CLSPN: variants seen among roughly 807,000 people sequenced by gnomAD.
CLSPN encodes claspin homolog.
A neutral mutation model predicts 156.3 loss-of-function variants in CLSPN; 85 were observed. That is an observed-to-expected ratio of 0.54 (90% confidence interval 0.46 to 0.65). CLSPN has a LOEUF of 0.65. CLSPN is among the 30% of genes least tolerant of loss of function. CLSPN has a pLI of 0.00. For missense variants in CLSPN, 1,407 were observed against 1,554.9 expected, an observed-to-expected ratio of 0.90 and a Z score of 1.60; for synonymous variants, 534 against 542.4, an observed-to-expected ratio of 0.98 and a Z score of 0.22.
intron 4 of CLSPN, among the ~76,000 whole-genome samples, chr1:35,762,846 C>T (rs1642529281): frequency 6.6e-6 from 1 of 152,196 alleles, no homozygotes; most frequent in African/African-American, 2.4e-5. Flanking sequence ...GTTCATTTCT[C>T]AAAGGCTATA....
chr1:35,749,681 G>A lies in CLSPN; in HGVS notation c.2159C>T (p.Ser720Leu), dbSNP rs374433632. 16 of 1,613,980 alleles carry A rather than the reference G, an allele frequency of 9.9e-6. No individual in the cohort carries two copies. Among genetic ancestry groups the A allele is most frequent in the African/African-American group, 5.3e-5 (4 of 74,924 alleles). Residue 720 changes from serine (S) to leucine (L), a missense_variant, in exon 11 of 25, where the codon TCA becomes TTA. Transcript: ENST00000318121. ...AAACAGAAGTAAAGTAGAATCTGAT[G>A]AGAGAGACTTGGGAACAGAGAGGAA... Reference protein sequence around the residue: ...VGFLSVPKSLSSDSTLLLFKD... With the variant: ...VGFLSVPKSLLSDSTLLLFKD...
At chr1:35,750,027 C>T (rs921677472) in intron 10 of CLSPN, among the ~76,000 whole-genome samples, 18 of 151,886 alleles carry the variant, frequency 1.2e-4, no homozygotes, top group African/African-American at 4.1e-4. Context: ...TCTACCCTCC[C>T]GAAATTGCTA....
chr1:35,726,090 T>C (rs1641180007), intron 24 of CLSPN, among the ~76,000 whole-genome samples: 1 of 130,784 alleles, frequency 7.6e-6, no homozygotes. Context: ...CCAAACTCAA[T>C]CTCACTCTCT....
At chr1:35,769,144 T>G (rs1642773602) in intron 1 of CLSPN, among the ~76,000 whole-genome samples, 1 of 152,202 alleles carries the variant, frequency 6.6e-6, no homozygotes. Context: ...ATTTTGGTTT[T>G]TTAAAAATAT....
chr1:35,739,224 T>C lies in CLSPN; in HGVS notation c.3342A>G (p.Leu1114=), dbSNP rs375846467. 1.0e-4 allele frequency: 163 copies of C among 1,614,240 alleles called. 2 individuals carry two copies. The South Asian group carries it at 1.0e-3, about 10-fold the overall frequency. The stretch of plus-strand genomic sequence containing the variant: ...CAAGGTACCTCTCTTGGTATAAACG[T>C]AGCTGTCGCTTATCATCATCCAACA... ...KTMLDDDKRQ[L]RLYQERYLAD... Residue 1114 remains leucine, a synonymous_variant, in exon 20 of 25, where the codon CTA becomes CTG. Coordinates refer to ENST00000318121, the MANE Select transcript of CLSPN (RefSeq NM_022111.4).
intron 11 of CLSPN, 40 bp downstream of exon 11, chr1:35,749,593 T>C: frequency 1.2e-6 from 2 of 1,613,580 alleles, no homozygotes; most frequent in Non-Finnish European, 1.7e-6. Flanking sequence ...GAGGGGCAAA[T>C]CCAAGGCAAT....
chr1:35,749,900 G>A, intron 10 of CLSPN, 89 bp from the exon 11 acceptor site: 1 of 1,392,038 alleles, frequency 7.2e-7, no homozygotes, highest in South Asian at 1.5e-5. Flanking sequence ...TGGCTGATTG[G>A]TTACAGATCA....
At chr1:35,727,884 C>T (rs902748467), downstream of CLSPN, among the ~76,000 whole-genome samples, 5 of 152,076 alleles carry the variant, frequency 3.3e-5, no homozygotes, top group Non-Finnish European at 4.4e-5. Context: ...CTATTGCTGC[C>T]GCCAAAGATT....
rs1176968701 is a variant in CLSPN at position 35,732,447 on chromosome 1, A to G, written c.*4049T>C. On this transcript the variant is annotated 3_prime_UTR_variant, in exon 25 of 25. Coordinates refer to ENST00000318121, the MANE Select transcript of CLSPN (RefSeq NM_022111.4). Reference sequence around the variant, plus strand: ...CAGTTGAGAAAATGAGGGATGCCACAGAGATCTGAGTACCTTGTCTCTAGA... The same window carrying G: ...CAGTTGAGAAAATGAGGGATGCCACGGAGATCTGAGTACCTTGTCTCTAGA... The G allele has an allele frequency of 1.0e-6, 1 of 985,330 alleles. No homozygotes were observed. Among genetic ancestry groups the G allele is most frequent in the Admixed American group, 6.1e-5 (1 of 16,270 alleles). 61.0% of individuals were successfully genotyped at this position (985,330 alleles called of 1,614,324 possible). A position where few individuals can be genotyped will look rare whatever the true frequency, so the allele number is the denominator to read the frequency against.
At chr1:35,725,672 C>G (rs988492704) in intron 24 of CLSPN, among the ~76,000 whole-genome samples, 2 of 152,148 alleles carry the variant, frequency 1.3e-5, no homozygotes, top group African/African-American at 4.8e-5. Flanking sequence ...AAAGGGCCAG[C>G]CTGAATGGGC....
rs1642588091 is a variant in CLSPN at position 35,764,234 on chromosome 1, C to G, written c.582+32G>C. On this transcript the variant is annotated intron_variant, in intron 3 of 24. Coordinates refer to ENST00000318121, the MANE Select transcript of CLSPN (RefSeq NM_022111.4). ...ACCTTTTCTAAAATGTTAACCTACC[C>G]AAGCAATAGCAAATTATTCTTTAAA... is the stretch of plus-strand genomic sequence containing the variant. The G allele has an allele frequency of 2.2e-6, 3 of 1,394,838 alleles. No homozygotes were observed. In the Admixed American group the frequency reaches 7.4e-5, roughly 34 times the overall value. 86.4% of individuals were successfully genotyped at this position (1,394,838 alleles called of 1,614,324 possible). A position where few individuals can be genotyped will look rare whatever the true frequency, so the allele number is the denominator to read the frequency against.
chr1:35,757,364 G>A (rs1360426545), intron 8 of CLSPN, among the ~76,000 whole-genome samples: 1 of 152,202 alleles, frequency 6.6e-6, no homozygotes, highest in Non-Finnish European at 1.5e-5. Flanking sequence ...ATGAATGAAT[G>A]TTGATTCTAA....
downstream of CLSPN, among the ~76,000 whole-genome samples, chr1:35,729,731 C>A (rs903053290): frequency 6.6e-6 from 1 of 152,214 alleles, no homozygotes; most frequent in Non-Finnish European, 1.5e-5. Flanking sequence ...GACTATGGAG[C>A]TTTGTTGGGG....
downstream of CLSPN, among the ~76,000 whole-genome samples, chr1:35,727,504 G>A (rs555286420): frequency 5.5e-4 from 83 of 152,288 alleles, no homozygotes; most frequent in African/African-American, 1.9e-3. Flanking sequence ...TCATGGAAGG[G>A]TCCACCCTCC....
intron 12 of CLSPN, 46 bp from the exon 13 acceptor site, chr1:35,748,650 G>A (rs777280612): frequency 2.6e-6 from 4 of 1,524,974 alleles, no homozygotes; most frequent in Admixed American, 1.7e-5. Flanking sequence ...ACAGAAATAA[G>A]GTGGATTTGT....
In CLSPN at chr1:35,765,255, C is replaced by T. The variant is rs1449311274; in HGVS notation, c.96G>A (p.Gln32=). 1.2e-6 allele frequency: 2 copies of T among 1,613,800 alleles called. No individual in the cohort carries two copies. Among genetic ancestry groups the T allele is most frequent in the African/African-American group, 2.7e-5 (2 of 75,056 alleles). ...EEADSPSDSG[Q]GSYETIGPLS... Reference sequence around the variant, plus strand: ...AGGGTCCAATTGTTTCATAGCTGCCCTGTCCACTATCTGAAGGACTATCTG... The same window carrying T: ...AGGGTCCAATTGTTTCATAGCTGCCTTGTCCACTATCTGAAGGACTATCTG... The change falls in exon 2 of 25, where the codon CAG becomes CAA. Residue 32 remains glutamine, a synonymous_variant. Transcript: ENST00000318121.
Position 35,743,233 on chromosome 1 carries a change from GTGTTCA to G in CLSPN, c.3045_3050del (p.Glu1016_His1017del). 6.2e-7 allele frequency: 1 copy of G among 1,612,432 alleles called. No homozygotes were observed. The highest frequency in any genetic ancestry group is 1.3e-5 in the African/African-American group (1 of 75,014). Reference sequence around the variant, plus strand: ...GTGCCAGATCATTACCAGAGTCACTGTGTTCATCCTACAAAATCAGCATCATATCCA... The same window carrying G: ...GTGCCAGATCATTACCAGAGTCACTGTCCTACAAAATCAGCATCATATCCA... On this transcript the variant is annotated inframe_deletion and splice_region_variant, in exon 18 of 25. Coordinates refer to ENST00000318121, the MANE Select transcript of CLSPN (RefSeq NM_022111.4).
At chr1:35,748,820 CTTTTTTTT>C (rs201350754) in intron 12 of CLSPN, 115 of 293,406 alleles carry the variant, frequency 3.9e-4, no homozygotes, top group East Asian at 1.9e-3. Flanking sequence ...CTTGAAAGTT[CTTTTTTTT>C]TTTTTTTTTT....
chr1:35,728,140 A>G (rs1298995081), downstream of CLSPN, among the ~76,000 whole-genome samples: 3 of 143,794 alleles, frequency 2.1e-5, no homozygotes, highest in Non-Finnish European at 4.5e-5. Flanking sequence ...CTGGAATGCA[A>G]TGCTGCAGTT....
Sources: allele counts gnomAD v4.1 joint callset (sites outside exome capture counted in the v4.1 genomes callset), GRCh38; gene constraint gnomAD v4.1.1; transcripts MANE v1.5; gene names NCBI Gene and HGNC (gene_info 2026-07-23, HGNC 2026-07-21).